Variants in ARL8B observed in about 807,000 individuals in gnomAD.
ARL8B encodes ARF like GTPase 8B.
A neutral mutation model predicts 30.6 loss-of-function variants in ARL8B; 9 were observed. The observed-to-expected ratio is 0.29, with a 90% CI of 0.18 to 0.51. The LOEUF (loss-of-function observed/expected upper bound fraction) is 0.51. ARL8B is among the 20% of genes least tolerant of loss of function. ARL8B has a pLI of 0.97. For synonymous variants in ARL8B, 74 were observed against 76.0 expected, an observed-to-expected ratio of 0.97 and a Z score of 0.14; for missense variants, 130 against 227.2, an observed-to-expected ratio of 0.57 and a Z score of 2.75.
At chr3:5,173,626 G>A (rs1396529076) in intron 4 of ARL8B, among the ~76,000 whole-genome samples, 1 of 152,132 alleles carries the variant, frequency 6.6e-6, no homozygotes, top group African/African-American at 2.4e-5. Context: ...GCTACGGCAG[G>A]AGAATGGCGT....
intron 1 of ARL8B, chr3:5,128,462 C>G (rs1331258183): frequency 2.2e-6 from 1 of 454,144 alleles, no homozygotes; most frequent in Admixed American, 2.4e-5. Flanking sequence ...CCTTGCAGAC[C>G]AAGAATCTTG....
intron 1 of ARL8B, among the ~76,000 whole-genome samples, chr3:5,138,508 A>G (rs2054346255): frequency 6.6e-6 from 1 of 152,220 alleles, no homozygotes; most frequent in Non-Finnish European, 1.5e-5. Flanking sequence ...GGCCAGAGTA[A>G]AATGAGTAAT....
At chr3:5,146,024 A>G (rs922234127) in intron 1 of ARL8B, among the ~76,000 whole-genome samples, 5 of 152,218 alleles carry the variant, frequency 3.3e-5, no homozygotes, top group African/African-American at 7.2e-5. Context: ...TCATTTACAT[A>G]TTGTAACAAC....
Position 5,180,673 on chromosome 3 carries a change from A to G in ARL8B, c.*1960A>G, listed in dbSNP as rs1344303499. 6.6e-6 allele frequency: 1 copy of G among 152,590 alleles called. No homozygotes were observed. Among genetic ancestry groups the G allele is most frequent in the Non-Finnish European group, 1.5e-5 (1 of 68,012 alleles). The allele number at this position is 152,590 out of a possible 1,614,324, so 9.5% of individuals were successfully genotyped here. On this transcript the variant is annotated 3_prime_UTR_variant, in exon 7 of 7. Transcript: ENST00000256496. ...ACTATGTAAATATGTGAATTTTTTT[A>G]TTTAGGTGGATGCATTTTTTGTCTG...
At chr3:5,135,911 C>T (rs1025140283) in intron 1 of ARL8B, among the ~76,000 whole-genome samples, 8 of 150,916 alleles carry the variant, frequency 5.3e-5, no homozygotes, top group Admixed American at 3.3e-4. Context: ...CTCAGCCTCT[C>T]GAGTAGCTGG....
intron 1 of ARL8B, among the ~76,000 whole-genome samples, chr3:5,127,901 A>AC (rs1559274157): frequency 5.5e-5 from 8 of 144,172 alleles, no homozygotes; most frequent in Non-Finnish European, 1.2e-4. Context: ...AAAAAAAAAA[A>AC]GCGGAGGGCC....
At chr3:5,126,459 A>T (rs2054230608) in intron 1 of ARL8B, among the ~76,000 whole-genome samples, 1 of 152,202 alleles carries the variant, frequency 6.6e-6, no homozygotes, top group Non-Finnish European at 1.5e-5. Context: ...AAAAATCAAC[A>T]TTTTGTAAAC....
At chr3:5,139,954 T>C (rs1382737618) in intron 1 of ARL8B, among the ~76,000 whole-genome samples, 1 of 151,806 alleles carries the variant, frequency 6.6e-6, no homozygotes, top group Admixed American at 6.6e-5. Context: ...ATGGTCAGGA[T>C]AGCTTCTCAC....
At position 5,178,941 on chromosome 3, in the gene ARL8B, A is replaced by T. The variant is rs2054753591; in HGVS notation, c.*228A>T. 1.6e-6 allele frequency: 1 copy of T among 629,126 alleles called. No individual in the cohort carries two copies. Among genetic ancestry groups the T allele is most frequent in the Non-Finnish European group, 2.4e-6 (1 of 410,362 alleles). 39.0% of individuals were successfully genotyped at this position (629,126 alleles called of 1,614,324 possible). The stretch of plus-strand genomic sequence containing the variant: ...ACACACAAAAAGGCTTCTTACACAT[A>T]CCTGTCTTAAACCATGTGTAGAGCT... On this transcript the variant is annotated 3_prime_UTR_variant, in exon 7 of 7. Transcript: ENST00000256496.
chr3:5,129,022 T>G (rs920653896), intron 1 of ARL8B, among the ~76,000 whole-genome samples: 2 of 152,238 alleles, frequency 1.3e-5, no homozygotes, highest in Non-Finnish European at 2.9e-5. Context: ...ATTTTTCCTA[T>G]GTTTTCCTAT....
Position 5,133,572 on chromosome 3 carries a change from C to T in ARL8B, c.123+10984C>T, listed in dbSNP as rs190098826. On this transcript the variant is annotated intron_variant, in intron 1 of 6. Transcript: ENST00000256496. ...ATATGGTTGTACCATCAGCAAACAG[C>T]AGTTACAGGGTGGGGAAGAAAGAAT... is the stretch of plus-strand genomic sequence containing the variant. 4.6e-5 allele frequency among the ~76,000 whole-genome samples: 7 copies of T among 152,120 alleles called. No homozygotes were observed. In the East Asian group the frequency reaches 1.4e-3, roughly 29 times the overall value.
At chr3:5,134,875 T>C (rs1322341257) in intron 1 of ARL8B, among the ~76,000 whole-genome samples, 2 of 152,122 alleles carry the variant, frequency 1.3e-5, no homozygotes, top group African/African-American at 4.8e-5. Flanking sequence ...TGAGATGGAG[T>C]CTCGCTCTGT....
chr3:5,178,429 G>A (rs1413917655), intron 6 of ARL8B, among the ~76,000 whole-genome samples: 1 of 150,470 alleles, frequency 6.6e-6, no homozygotes, highest in Non-Finnish European at 1.5e-5. Flanking sequence ...CACATAAAAG[G>A]TGGCACCAGC....
chr3:5,174,530 T>C, intron 6 of ARL8B, 116 bp downstream of exon 6: 1 of 693,904 alleles, frequency 1.4e-6, no homozygotes, highest in Non-Finnish European at 2.5e-6. Context: ...AGAATACTGT[T>C]GCTTTTGCCT....
intron 1 of ARL8B, among the ~76,000 whole-genome samples, chr3:5,129,329 C>T (rs571007949): frequency 1.3e-5 from 2 of 152,222 alleles, no homozygotes; most frequent in East Asian, 3.9e-4. Context: ...TGTTTGCCAC[C>T]TCGCCCAGCT....
intron 1 of ARL8B, among the ~76,000 whole-genome samples, chr3:5,133,321 C>T (rs773137600): frequency 6.6e-6 from 1 of 152,010 alleles, no homozygotes; most frequent in Non-Finnish European, 1.5e-5. Flanking sequence ...CCTGTGTTTC[C>T]GAAGGATTAA....
intron 1 of ARL8B, among the ~76,000 whole-genome samples, chr3:5,153,550 A>G (rs1447415673): frequency 1.3e-5 from 2 of 152,164 alleles, no homozygotes; most frequent in African/African-American, 4.8e-5. Context: ...ATATGTGTTT[A>G]TCAGTAGCGT....
Position 5,149,132 on chromosome 3 carries a change from C to T in ARL8B, c.124-21371C>T, listed in dbSNP as rs572286681. ...TACATCTCAGTTGCACACACTTGACCTCTGAAAATGCCCAACCACTAAGGC... is the reference window on the plus strand; with the variant it reads ...TACATCTCAGTTGCACACACTTGACTTCTGAAAATGCCCAACCACTAAGGC... On this transcript the variant is annotated intron_variant, in intron 1 of 6. Transcript: ENST00000256496. Among the ~76,000 whole-genome samples the T allele has an allele frequency of 5.3e-5, 8 of 152,324 alleles. No homozygotes were observed. The South Asian group carries it at 1.7e-3, about 32-fold the overall frequency.
chr3:5,169,305 T>G lies in ARL8B; in HGVS notation c.124-1198T>G, dbSNP rs200919294. On this transcript the variant is annotated intron_variant, in intron 1 of 6. Transcript: ENST00000256496. ...TACCTCATAAAGTGAAATACAGTGT[T>G]TGTGTGTGTGTGTGTGTGTGTGTGT... 8.3e-4 allele frequency among the ~76,000 whole-genome samples: 118 copies of G among 142,980 alleles called. No homozygotes were observed. The East Asian group carries it at 0.014, about 16-fold the overall frequency. 93.8% of individuals were successfully genotyped at this position (142,980 alleles called of 152,430 possible).
Sources: allele counts gnomAD v4.1 joint callset (sites outside exome capture counted in the v4.1 genomes callset), GRCh38; gene constraint gnomAD v4.1.1; transcripts MANE v1.5; gene names NCBI Gene and HGNC (gene_info 2026-07-23, HGNC 2026-07-21).